The following TAMM41 variants were observed in gnomAD, a reference collection of about 807,000 sequenced individuals.
The protein encoded by TAMM41 is TAM41 mitochondrial translocator assembly and maintenance homolog.
In TAMM41, 36 loss-of-function variants were observed where a neutral mutation model predicts 44.1. The observed-to-expected ratio is 0.82, with a 90% CI of 0.63 to 1.08. The LOEUF (loss-of-function observed/expected upper bound fraction) is 1.08. Ranked by LOEUF, TAMM41 falls within the 50% of genes least tolerant of loss-of-function variation. The pLI, the probability that TAMM41 is intolerant of heterozygous loss-of-function variation, is 0.00. For synonymous variants in TAMM41, 164 were observed against 153.1 expected (o/e 1.07, Z -0.53); for missense variants, 417 against 404.3 (o/e 1.03, Z -0.27).
At chr3:11,812,650 A>G (rs912185749) in intron 5 of TAMM41, among the ~76,000 whole-genome samples, 1 of 152,150 alleles carries the variant, frequency 6.6e-6, no homozygotes, top group Non-Finnish European at 1.5e-5. Context: ...ACTGCCACCC[A>G]ATTAATTTAG....
At position 11,807,813 on chromosome 3, in the gene TAMM41, C is replaced by T. The variant is rs200231913; in HGVS notation, c.937+20G>A. On this transcript the variant is annotated intron_variant, in intron 7 of 7. Transcript: ENST00000455809. The stretch of plus-strand genomic sequence containing the variant: ...ACTCAGTCAGCAGGTATGTTACACA[C>T]GGATTTCCAAAGCTCTTACCAGCAG... The T allele has an allele frequency of 2.0e-5, 31 of 1,536,106 alleles. No individual in the cohort carries two copies. The East Asian group carries it at 4.2e-4, about 21-fold the overall frequency.
At chr3:11,839,595 G>A (rs1223493990) in intron 2 of TAMM41, among the ~76,000 whole-genome samples, 1 of 152,198 alleles carries the variant, frequency 6.6e-6, no homozygotes, top group Non-Finnish European at 1.5e-5. Flanking sequence ...CCATCTTGCT[G>A]CCAGCCTCAC....
chr3:11,727,238 T>C, the TAMM41 span, among the ~76,000 whole-genome samples: 2 of 152,194 alleles, frequency 1.3e-5, no homozygotes, highest in African/African-American at 4.8e-5. Flanking sequence ...AGAATGCAAC[T>C]AGAATTAAAC....
chr3:11,752,705 T>A, the TAMM41 span, among the ~76,000 whole-genome samples: 1 of 138,740 alleles, frequency 7.2e-6, no homozygotes, highest in Non-Finnish European at 1.5e-5. Context: ...AGCTGTGCAG[T>A]CATAGCTCAC....
intron 3 of TAMM41, 94 bp from the exon 4 acceptor site, chr3:11,829,958 T>C: frequency 8.0e-7 from 1 of 1,257,702 alleles, no homozygotes; most frequent in South Asian, 1.3e-5. Context: ...TCAAACTCTC[T>C]TCCCACTGAA....
intron 7 of TAMM41, among the ~76,000 whole-genome samples, chr3:11,802,863 G>A (rs1349310722): frequency 6.6e-6 from 1 of 152,072 alleles, no homozygotes. Context: ...TGATCAGGTG[G>A]GATTTATCCC....
At chr3:11,727,542 G>C in the TAMM41 span, among the ~76,000 whole-genome samples, 23 of 152,318 alleles carry the variant, frequency 1.5e-4, no homozygotes, top group African/African-American at 5.5e-4. Context: ...TCTGCTCACT[G>C]CAGCCTCCAC....
chr3:11,752,129 C>G, the TAMM41 span, among the ~76,000 whole-genome samples: 1 of 152,012 alleles, frequency 6.6e-6, no homozygotes, highest in Admixed American at 6.6e-5. Context: ...AATGAAGCTG[C>G]GGACCTTCGC....
chr3:11,782,039 T>C, the TAMM41 span, among the ~76,000 whole-genome samples: 2 of 152,180 alleles, frequency 1.3e-5, no homozygotes, highest in Non-Finnish European at 2.9e-5. Context: ...CAGGTGTCTT[T>C]AGCTGCATGG....
At position 11,790,457 on chromosome 3, in the gene TAMM41, TCAAA is replaced by T. The variant is rs761996682; in HGVS notation, c.*44_*47del. 2.0e-6 allele frequency: 3 copies of T among 1,497,872 alleles called. No individual in the cohort carries two copies. The highest frequency in any genetic ancestry group is 2.8e-6 in the Non-Finnish European group (3 of 1,077,140). The allele number at this position is 1,497,872 out of a possible 1,614,324, so 92.8% of individuals were successfully genotyped here. A position where few individuals can be genotyped will look rare whatever the true frequency, so the allele number is the denominator to read the frequency against. On this transcript the variant is annotated 3_prime_UTR_variant, in exon 8 of 8. Transcript: ENST00000455809. ...ACAAACACTGTTCTGTCAAAAAGGA[TCAAA>T]CACTTTATTCATCTACACATAACAT...
the TAMM41 span, among the ~76,000 whole-genome samples, chr3:11,767,482 T>C: frequency 6.6e-6 from 1 of 152,118 alleles, no homozygotes; most frequent in Non-Finnish European, 1.5e-5. Context: ...CTCTTGGATA[T>C]ATACCTAGAG....
the TAMM41 span, among the ~76,000 whole-genome samples, chr3:11,730,417 CAAAAAAAAAAA>C: frequency 3.0e-5 from 3 of 99,180 alleles, no homozygotes; most frequent in African/African-American, 3.5e-5. Context: ...TACTTCATCT[CAAAAAAAAAAA>C]AAAAAGAAAA....
chr3:11,752,625 C>CTT, the TAMM41 span, among the ~76,000 whole-genome samples: 1,470 of 39,926 alleles, frequency 0.037, 479 homozygotes, highest in Non-Finnish European at 0.055. Context: ...TCTTACAAAG[C>CTT]TTTTTTTTTT....
chr3:11,829,906 G>C, intron 3 of TAMM41, 42 bp from the exon 4 acceptor site: 1 of 1,595,802 alleles, frequency 6.3e-7, no homozygotes, highest in Non-Finnish European at 8.6e-7. Flanking sequence ...TCCAGAAGTG[G>C]AGTATTGCTC....
At chr3:11,840,714 T>C (rs751150643) in intron 2 of TAMM41, among the ~76,000 whole-genome samples, 31 of 151,334 alleles carry the variant, frequency 2.0e-4, no homozygotes, top group Non-Finnish European at 4.0e-4. Context: ...GGATTGGGAG[T>C]AAAAAAAACT....
the TAMM41 span, among the ~76,000 whole-genome samples, chr3:11,726,628 C>T: frequency 1.8e-4 from 28 of 151,926 alleles, no homozygotes. Flanking sequence ...CATGGTGAAA[C>T]CCCGTCTCTA....
At chr3:11,733,667 T>C in the TAMM41 span, among the ~76,000 whole-genome samples, 1 of 151,938 alleles carries the variant, frequency 6.6e-6, no homozygotes, top group Non-Finnish European at 1.5e-5. Flanking sequence ...TCATTTTTTT[T>C]CGTATTTTTA....
At chr3:11,753,115 T>A in the TAMM41 span, among the ~76,000 whole-genome samples, 3 of 151,952 alleles carry the variant, frequency 2.0e-5, no homozygotes, top group Non-Finnish European at 4.4e-5. Context: ...GAGAGCTGTC[T>A]TAGATAGGAT....
chr3:11,745,951 G>A, the TAMM41 span, among the ~76,000 whole-genome samples: 31 of 152,272 alleles, frequency 2.0e-4, no homozygotes, highest in African/African-American at 5.3e-4. Context: ...CCAAGTGTTG[G>A]CAAAGATCTG....
Sources: allele counts gnomAD v4.1 joint callset (sites outside exome capture counted in the v4.1 genomes callset), GRCh38; gene constraint gnomAD v4.1.1; transcripts MANE v1.5; gene names NCBI Gene and HGNC (gene_info 2026-07-23, HGNC 2026-07-21).